The following QRICH2 variants were observed in gnomAD, a reference collection of about 807,000 sequenced individuals.
QRICH2 encodes the protein glutamine rich 2.
In QRICH2, 119 loss-of-function variants were observed where a neutral mutation model predicts 168.3. The ratio of observed to expected loss-of-function variants is 0.71; its 90% CI spans 0.61 to 0.82. QRICH2 has a LOEUF of 0.82. Among genes scored for constraint, QRICH2 ranks in the 40% least tolerant of loss-of-function variants. QRICH2 has a pLI of 0.00. For missense variants in QRICH2, 2,241 were observed against 2,491.6 expected, an observed-to-expected ratio of 0.90 and a Z score of 2.14; for synonymous variants, 894 against 951.2, an observed-to-expected ratio of 0.94 and a Z score of 1.11.
intron 7 of QRICH2, among the ~76,000 whole-genome samples, chr17:76,286,564 T>C (rs1328174741): frequency 6.6e-6 from 1 of 152,160 alleles, no homozygotes; most frequent in Non-Finnish European, 1.5e-5. Flanking sequence ...GTTTTGGAAT[T>C]AGATTGTGGT....
chr17:76,307,733 C>T lies in QRICH2; in HGVS notation c.266G>A (p.Arg89Lys). ...TGACGAAGGCGCCTGGCCCACGCCC[C>T]TGCGCTTCTCCCGGGGCGCCCCCTT... ...VPKGAPREKR[R>K]GVGQAPSSAL... Residue 89 changes from arginine (R) to lysine (K), a missense_variant, in exon 1 of 19, where the codon AGG becomes AAG. Around this residue, in one of 3 missense-constraint regions of QRICH2, gnomAD observed 2,047 missense variants for 2,303.8 expected, o/e 0.89. Transcript: ENST00000680821. This position sits in a 1 kb window ranked among gnomAD's most constrained non-coding sequence, Gnocchi z 5.3. The T allele has an allele frequency of 7.2e-7, 1 of 1,394,350 alleles. No homozygotes were observed. Among genetic ancestry groups the T allele is most frequent in the Non-Finnish European group, 9.3e-7 (1 of 1,078,230 alleles). 86.4% of individuals were successfully genotyped at this position (1,394,350 alleles called of 1,614,324 possible). A position where few individuals can be genotyped will look rare whatever the true frequency, so the allele number is the denominator to read the frequency against.
intron 3 of QRICH2, among the ~76,000 whole-genome samples, chr17:76,301,737 C>A: frequency 8.6e-6 from 1 of 116,902 alleles, no homozygotes; most frequent in Admixed American, 9.6e-5. Flanking sequence ...GGGTCTCACT[C>A]TGTCACCCAG....
Position 76,293,598 on chromosome 17 carries a change from G to A in QRICH2, c.1129C>T (p.Pro377Ser). 2 of 1,614,180 alleles carry A rather than the reference G, an allele frequency of 1.2e-6. No homozygotes were observed. The highest frequency in any genetic ancestry group is 1.1e-5 in the South Asian group (1 of 91,086). ...AGATGGACCTGACTCTGGCTAGCGG[G>A]CACACTACTGGGCTGGTCTCTGGCC... ...PLARDQPSSV[P>S]ASQSQVHLRP... Residue 377 changes from proline to serine, a missense_variant, in exon 4 of 19, where the codon CCC (proline) becomes TCC (serine). Around this residue, in one of 3 missense-constraint regions of QRICH2, gnomAD observed 2,047 missense variants for 2,303.8 expected, o/e 0.89. Coordinates refer to ENST00000680821, the MANE Select transcript of QRICH2 (RefSeq NM_001388453.1).
rs760676214 is a variant in QRICH2, at chr17:76,280,898, C to G, written c.4319G>C (p.Cys1440Ser). 1 of 1,613,174 alleles carries G rather than the reference C, an allele frequency of 6.2e-7. No homozygotes were observed. The highest frequency in any genetic ancestry group is 2.2e-5 in the East Asian group (1 of 44,868). Residue 1440 changes from cysteine (C) to serine (S), a missense_variant, in exon 9 of 19, where the codon TGC (cysteine) becomes TCC (serine). By Grantham distance (112) the Cys-to-Ser change is moderately radical. Coordinates refer to ENST00000680821, the MANE Select transcript of QRICH2 (RefSeq NM_001388453.1). This position sits in a 1 kb window ranked among gnomAD's most constrained non-coding sequence, Gnocchi z 7.4. Reference sequence around the variant, plus strand: ...GCTGGTGGTGATGTTGAGCTTCTCGCAGTCACCCTGCACCTGCAGGATGGC... The same window carrying G: ...GCTGGTGGTGATGTTGAGCTTCTCGGAGTCACCCTGCACCTGCAGGATGGC... ...QSAILQVQGD[C>S]EKLNITTSNL...
At chr17:76,294,882 T>C (rs920496481) in intron 3 of QRICH2, among the ~76,000 whole-genome samples, 1 of 151,536 alleles carries the variant, frequency 6.6e-6, no homozygotes, top group African/African-American at 2.4e-5. Context: ...AAGTGATCTC[T>C]CTGGACTTTT....
In QRICH2 at chr17:76,304,448, C is replaced by G; in HGVS notation, c.672G>C (p.Gln224His). Residue 224 changes from glutamine to histidine, a missense_variant, in exon 3 of 19, where the codon CAG (glutamine) becomes CAC (histidine). Around this residue, in one of 3 missense-constraint regions of QRICH2, gnomAD observed 2,047 missense variants for 2,303.8 expected, o/e 0.89. Transcript: ENST00000680821. ...VTMVTWEELE[Q>H]AITDGWRASQ... ...AGGCTCTCCAGCCGTCCGTAATCGC[C>G]TGCTCCAGCTCTTCCCAGGTGACCA... The G allele has an allele frequency of 6.2e-7, 1 of 1,613,762 alleles. No individual in the cohort carries two copies. The highest frequency in any genetic ancestry group is 8.5e-7 in the Non-Finnish European group (1 of 1,180,006).
intron 16 of QRICH2, 125 bp from the exon 17 acceptor site, chr17:76,276,892 T>G: frequency 1.3e-6 from 1 of 787,678 alleles, no homozygotes; most frequent in Non-Finnish European, 2.0e-6. Flanking sequence ...TGGGAGGCAC[T>G]AGGGTGGAGC....
rs1054364087 is a variant in QRICH2, at chr17:76,308,028, G to A, written c.-30C>T. The A allele has an allele frequency of 2.4e-6, 3 of 1,231,684 alleles. No homozygotes were observed. Among genetic ancestry groups the A allele is most frequent in the South Asian group, 4.1e-5 (1 of 24,392 alleles). The allele number at this position is 1,231,684 out of a possible 1,614,324, so 76.3% of individuals were successfully genotyped here. On this transcript the variant is annotated 5_prime_UTR_variant, in exon 1 of 19. Transcript: ENST00000680821. ...GCTGTCAGGAGCTGTGCGCCGCCGC[G>A]GGGCGCCGGCCAACCACTTCCCGCT...
At chr17:76,286,129 C>A (rs552669718) in intron 7 of QRICH2, among the ~76,000 whole-genome samples, 2 of 151,570 alleles carry the variant, frequency 1.3e-5, no homozygotes, top group South Asian at 2.1e-4. Flanking sequence ...GAGCCGAGAT[C>A]GTGCCACTGC....
intron 3 of QRICH2, among the ~76,000 whole-genome samples, chr17:76,295,850 AAAG>A (rs1279120323): frequency 6.6e-6 from 1 of 152,206 alleles, no homozygotes; most frequent in African/African-American, 2.4e-5. Context: ...AATCCATGAA[AAAG>A]AAGAATGAAC....
rs1379077011 is a variant in QRICH2, at chr17:76,308,158, G to T, written c.-160C>A. 3 of 985,284 alleles carry T rather than the reference G, an allele frequency of 3.0e-6. No homozygotes were observed. Among genetic ancestry groups the T allele is most frequent in the Non-Finnish European group, 3.6e-6 (3 of 829,898 alleles). 61.0% of individuals were successfully genotyped at this position (985,284 alleles called of 1,614,324 possible). ...ACTGGACAGAGCTCCTGCCTCCAGG[G>T]AATCTGCGCCTCCGCTCCCCGGCGG... On this transcript the variant is annotated 5_prime_UTR_variant, in exon 1 of 19. Transcript: ENST00000680821.
intron 3 of QRICH2, among the ~76,000 whole-genome samples, chr17:76,296,207 AGTGAGACTCTATCT>A (rs1418414697): frequency 1.3e-5 from 2 of 152,166 alleles, no homozygotes; most frequent in Non-Finnish European, 2.9e-5. Flanking sequence ...TGGGAGACAG[AGTGAGACTCTATCT>A]CAAAAAAACA....
In QRICH2 at chr17:76,275,893, G is replaced by A. The variant is rs537326804; in HGVS notation, c.5408C>T (p.Pro1803Leu). 1.7e-5 allele frequency: 28 copies of A among 1,609,102 alleles called. No individual in the cohort carries two copies. Among genetic ancestry groups the A allele is most frequent in the South Asian group, 1.6e-4 (15 of 91,072 alleles). Residue 1803 changes from proline to leucine, a missense_variant, in exon 18 of 19, where the codon CCG becomes CTG. Pro to Leu is a moderately conservative substitution (Grantham distance 98, BLOSUM62 -3). Around this residue, in one of 3 missense-constraint regions of QRICH2, gnomAD observed 189 missense variants for 169.3 expected, o/e 1.12. Transcript: ENST00000680821. The part of the protein sequence containing the change: ...SQQPRPHVHR[P>L]PSLSSNGQLP... ...CTGGCCATTGCTGCTGAGGGATGGC[G>A]GCCTGTGCACGTGGGGCCTGGGCTG...
upstream of QRICH2, chr17:76,308,560 C>T: frequency 1.1e-6 from 1 of 878,270 alleles, no homozygotes; most frequent in Non-Finnish European, 1.4e-6. Context: ...AGTGGTGGCC[C>T]CATGTCTATG....
chr17:76,282,569 T>C (rs542191545), intron 7 of QRICH2, among the ~76,000 whole-genome samples: 32 of 152,166 alleles, frequency 2.1e-4, no homozygotes, highest in Non-Finnish European at 4.4e-4. Context: ...TCCATCCACC[T>C]AGCATGTAAA....
At chr17:76,274,494 C>T (rs2070637431) in intron 18 of QRICH2, among the ~76,000 whole-genome samples, 1 of 152,218 alleles carries the variant, frequency 6.6e-6, no homozygotes, top group Admixed American at 6.5e-5. Flanking sequence ...CAAACACGTC[C>T]TTCTGCAGGA....
Position 76,280,162 on chromosome 17 carries a change from G to A in QRICH2, c.4627-8C>T, listed in dbSNP as rs773211864. On this transcript the variant is annotated splice_region_variant and splice_polypyrimidine_tract_variant and intron_variant, in intron 11 of 18. Coordinates refer to ENST00000680821, the MANE Select transcript of QRICH2 (RefSeq NM_001388453.1). This position sits in a 1 kb window ranked among gnomAD's most constrained non-coding sequence, Gnocchi z 7.4. Reference sequence around the variant, plus strand: ...CAGCTCCAGGCGGTCCAGCTGTGGCGGGGAAAGAGGGGCCAGGGGACCTCT... The same window carrying A: ...CAGCTCCAGGCGGTCCAGCTGTGGCAGGGAAAGAGGGGCCAGGGGACCTCT... 92 of 1,612,554 alleles carry A rather than the reference G, an allele frequency of 5.7e-5. No homozygotes were observed. The highest frequency in any genetic ancestry group is 9.9e-5 in the South Asian group (9 of 90,980).
At chr17:76,282,238 T>A in intron 7 of QRICH2, 123 bp from the exon 8 acceptor site, 1 of 1,189,250 alleles carries the variant, frequency 8.4e-7, no homozygotes, top group Non-Finnish European at 1.2e-6. Flanking sequence ...AGTTGCTGCA[T>A]CCTCAGTGCC....
rs139446110 is a variant in QRICH2, at chr17:76,305,267, G to A, written c.535-326C>T. On this transcript the variant is annotated intron_variant, in intron 1 of 18. Coordinates refer to ENST00000680821, the MANE Select transcript of QRICH2 (RefSeq NM_001388453.1). ...CAGCCTCAACCTCTCAGGCTCAAGCGATCCTCCCACCTCAGCCTCCTGAGT... is the reference window on the plus strand; with the variant it reads ...CAGCCTCAACCTCTCAGGCTCAAGCAATCCTCCCACCTCAGCCTCCTGAGT... Among the ~76,000 whole-genome samples the A allele has an allele frequency of 5.7e-3, 859 of 150,378 alleles. 7 individuals carry two copies. The highest frequency in any genetic ancestry group is 0.02 in the African/African-American group (815 of 40,596).
Sources: allele counts gnomAD v4.1 joint callset (sites outside exome capture counted in the v4.1 genomes callset), GRCh38; gene constraint gnomAD v4.1.1; regional missense constraint gnomAD v4.1.1; non-coding constraint Gnocchi (gnomAD v3.1); transcripts MANE v1.5; gene names NCBI Gene and HGNC (gene_info 2026-07-23, HGNC 2026-07-21).